STMN2: variants seen among roughly 807,000 people sequenced by gnomAD.
STMN2 encodes stathmin-2.
In STMN2, 2 loss-of-function variants were observed where a neutral mutation model predicts 24.1. The observed-to-expected ratio is 0.08, with a 90% CI of 0.03 to 0.26. STMN2 has a LOEUF of 0.26. Among genes scored for constraint, STMN2 ranks in the 10% least tolerant of loss-of-function variants. The pLI is 1.00. For missense variants in STMN2, 114 were observed against 213.6 expected (o/e 0.53, Z 2.91); for synonymous variants, 83 against 77.5 (o/e 1.07, Z -0.37).
At chr8:79,648,568 T>C (rs1810267485) in intron 3 of STMN2, among the ~76,000 whole-genome samples, 1 of 142,536 alleles carries the variant, frequency 7.0e-6, no homozygotes, top group Admixed American at 7.6e-5. Context: ...GTTCAAGCAA[T>C]TCTCCTGCCT....
intron 1 of STMN2, among the ~76,000 whole-genome samples, chr8:79,628,623 T>C (rs1172477596): frequency 6.6e-6 from 1 of 152,184 alleles, no homozygotes; most frequent in Non-Finnish European, 1.5e-5. Flanking sequence ...TAATATCTCA[T>C]TGTGGTTTTG....
intron 1 of STMN2, among the ~76,000 whole-genome samples, chr8:79,621,727 G>T (rs187194298): frequency 2.1e-3 from 320 of 152,306 alleles, no homozygotes; most frequent in Non-Finnish European, 3.6e-3. Flanking sequence ...AGAAGCAGGG[G>T]TGTCCCCAGC....
chr8:79,658,174 C>G (rs1459597619), intron 4 of STMN2, among the ~76,000 whole-genome samples: 1 of 152,098 alleles, frequency 6.6e-6, no homozygotes, highest in African/African-American at 2.4e-5. Flanking sequence ...TGTAAAAATG[C>G]CTGTAGTCAT....
intron 4 of STMN2, among the ~76,000 whole-genome samples, chr8:79,660,325 G>T (rs901908056): frequency 2.0e-5 from 3 of 152,174 alleles, no homozygotes; most frequent in African/African-American, 7.2e-5. Flanking sequence ...TCAATGCCAA[G>T]ACTTCTGAGC....
intron 1 of STMN2, among the ~76,000 whole-genome samples, chr8:79,616,377 T>C (rs1446726136): frequency 6.6e-6 from 1 of 152,234 alleles, no homozygotes; most frequent in African/African-American, 2.4e-5. Context: ...CAAAAGTGGA[T>C]TTTTTAAATA....
At position 79,665,476 on chromosome 8, in the gene STMN2, C is replaced by A. The variant is rs1806580024; in HGVS notation, c.*602C>A. ...CCACCAGTCATAGCATTTACTTCTG[C>A]TTCTCCTGGATTATGTGCTACAAAT... On this transcript the variant is annotated 3_prime_UTR_variant, in exon 5 of 5. Transcript: ENST00000220876. 6.5e-6 allele frequency: 1 copy of A among 154,396 alleles called. No individual in the cohort carries two copies. Among genetic ancestry groups the A allele is most frequent in the African/African-American group, 2.4e-5 (1 of 41,522 alleles). The allele number at this position is 154,396 out of a possible 1,614,324, so 9.6% of individuals were successfully genotyped here.
intron 4 of STMN2, chr8:79,663,536 C>T: frequency 7.6e-7 from 1 of 1,313,918 alleles, no homozygotes; most frequent in Non-Finnish European, 1.0e-6. Flanking sequence ...TAAGTGTAGA[C>T]TCCTTGAGAT....
rs1024774463 is a variant in STMN2 at position 79,616,149 on chromosome 8, C to G, written c.19+4935C>G. ...TGATACTGAGGAGGTGTACCAAAAA[C>G]TGACTGCTGTTATTTTTCCCATCTT... is the stretch of plus-strand genomic sequence containing the variant. On this transcript the variant is annotated intron_variant, in intron 1 of 4. Coordinates refer to ENST00000220876, the MANE Select transcript of STMN2 (RefSeq NM_007029.4). Among the ~76,000 whole-genome samples the G allele has an allele frequency of 9.3e-4, 142 of 152,132 alleles. 11 individuals are homozygous for G. The highest frequency in any genetic ancestry group is 2.9e-5 in the Non-Finnish European group (2 of 68,030).
intron 1 of STMN2, among the ~76,000 whole-genome samples, chr8:79,622,542 T>C (rs1809542186): frequency 6.6e-6 from 1 of 152,198 alleles, no homozygotes; most frequent in Non-Finnish European, 1.5e-5. Context: ...AAAAAATCCA[T>C]TCTACATAAT....
At chr8:79,617,912 TTAA>T (rs1298936796) in intron 1 of STMN2, among the ~76,000 whole-genome samples, 4 of 152,238 alleles carry the variant, frequency 2.6e-5, no homozygotes, top group Non-Finnish European at 4.4e-5. Context: ...TGTTAATCAC[TTAA>T]TAATCCTAAG....
chr8:79,651,571 A>T (rs1810334602), intron 3 of STMN2, among the ~76,000 whole-genome samples: 2 of 152,200 alleles, frequency 1.3e-5, no homozygotes, highest in Admixed American at 6.5e-5. Context: ...TCTGAATCTT[A>T]TTTCCCTGCT....
chr8:79,664,569 T>C (rs34190443), intron 4 of STMN2, among the ~76,000 whole-genome samples: 48,270 of 152,164 alleles, frequency 0.32, 9,591 homozygotes, highest in Non-Finnish European at 0.45. Flanking sequence ...CAAAACTATC[T>C]TAATAACATG....
At chr8:79,613,983 A>G (rs1016231846) in intron 1 of STMN2, among the ~76,000 whole-genome samples, 1 of 149,824 alleles carries the variant, frequency 6.7e-6, no homozygotes, top group Non-Finnish European at 1.5e-5. Flanking sequence ...ACATAAGGTT[A>G]TATCTATAAA....
rs978927845 is a variant in STMN2 at position 79,613,882 on chromosome 8, G to T, written c.19+2668G>T. The T allele has an allele frequency of 5.2e-6, 5 of 954,496 alleles. No individual in the cohort carries two copies. In the African/African-American group the frequency reaches 8.8e-5, roughly 17 times the overall value. 59.1% of individuals were successfully genotyped at this position (954,496 alleles called of 1,614,324 possible). A position where few individuals can be genotyped will look rare whatever the true frequency, so the allele number is the denominator to read the frequency against. ...CAAGTGCTTGCTAAGAGCAGGGTTT[G>T]TGTGCCAACGATTGCTGGAAAATTC... On this transcript the variant is annotated intron_variant, in intron 1 of 4. Transcript: ENST00000220876.
At chr8:79,623,814 G>T (rs1213258144) in intron 1 of STMN2, among the ~76,000 whole-genome samples, 1 of 152,112 alleles carries the variant, frequency 6.6e-6, no homozygotes, top group Admixed American at 6.5e-5. Flanking sequence ...TGAGGTTCTG[G>T]AATGCAGAGC....
intron 3 of STMN2, 74 bp downstream of exon 3, chr8:79,641,624 G>GCA (rs1319315239): frequency 1.4e-3 from 650 of 476,020 alleles, no homozygotes; most frequent in African/African-American, 3.7e-3. Context: ...GGGCACACAT[G>GCA]CACGCACACA....
chr8:79,618,144 G>A (rs968441366), intron 1 of STMN2, among the ~76,000 whole-genome samples: 2 of 152,220 alleles, frequency 1.3e-5, no homozygotes, highest in Non-Finnish European at 2.9e-5. Flanking sequence ...AAACAGACCA[G>A]AGATGGTCTT....
At position 79,616,275 on chromosome 8, in the gene STMN2, C is replaced by T. The variant is rs1259925922; in HGVS notation, c.19+5061C>T. ...AGATTTCAACAATTATTGAGCATCT[C>T]CTTGTAGTGGTTTTCTGTTTATTAG... On this transcript the variant is annotated intron_variant, in intron 1 of 4. Transcript: ENST00000220876. 2.6e-5 allele frequency among the ~76,000 whole-genome samples: 4 copies of T among 152,246 alleles called. No homozygotes were observed. The East Asian group carries it at 7.7e-4, about 29-fold the overall frequency.
At chr8:79,615,363 C>T (rs937740641) in intron 1 of STMN2, among the ~76,000 whole-genome samples, 2 of 152,180 alleles carry the variant, frequency 1.3e-5, no homozygotes, top group Non-Finnish European at 2.9e-5. Context: ...CAAACCTAGG[C>T]CTGGGCGTGG....
Sources: allele counts gnomAD v4.1 joint callset (sites outside exome capture counted in the v4.1 genomes callset), GRCh38; gene constraint gnomAD v4.1.1; transcripts MANE v1.5; gene names NCBI Gene and HGNC (gene_info 2026-07-23, HGNC 2026-07-21).